Variants in TRPM3 observed in about 807,000 individuals in gnomAD.
The protein encoded by TRPM3 is transient receptor potential cation channel subfamily M member 3.
In TRPM3, 77 loss-of-function variants were observed where a neutral mutation model predicts 181.2. The observed-to-expected ratio is 0.42, with a 90% CI of 0.35 to 0.51. The LOEUF (loss-of-function observed/expected upper bound fraction) is 0.51, where lower values mean the gene tolerates loss of function less well. Among genes scored for constraint, TRPM3 ranks in the 20% least tolerant of loss-of-function variants. TRPM3 has a pLI of 0.01. For synonymous variants in TRPM3, 745 were observed against 796.4 expected (o/e 0.94, Z 1.09); for missense variants, 1,759 against 2,196.7 (o/e 0.80, Z 3.98).
chr9:71,145,110 T>C (rs2075332385), intron 1 of TRPM3, among the ~76,000 whole-genome samples: 1 of 152,164 alleles, frequency 6.6e-6, no homozygotes, highest in Admixed American at 6.6e-5. Flanking sequence ...GTTTTGAATA[T>C]TATTCTTAGA....
chr9:70,943,873 A>T (rs1589963893), intron 1 of TRPM3, among the ~76,000 whole-genome samples: 1 of 152,106 alleles, frequency 6.6e-6, no homozygotes, highest in Non-Finnish European at 1.5e-5. Flanking sequence ...TCCGTCTCCC[A>T]GGTTCAAGCA....
intron 3 of TRPM3, among the ~76,000 whole-genome samples, chr9:70,858,955 G>C (rs2095455705): frequency 6.6e-6 from 1 of 152,114 alleles, no homozygotes; most frequent in Admixed American, 6.5e-5. Context: ...TATGTACCTT[G>C]CAGCATTTCA....
At chr9:71,382,539 A>T (rs1313918725) in intron 1 of TRPM3, among the ~76,000 whole-genome samples, 1 of 152,166 alleles carries the variant, frequency 6.6e-6, no homozygotes, top group Non-Finnish European at 1.5e-5. Context: ...TCACACACAT[A>T]AGGCTATATG....
intron 1 of TRPM3, among the ~76,000 whole-genome samples, chr9:71,040,976 G>A (rs1341056243): frequency 1.3e-5 from 2 of 152,170 alleles, no homozygotes; most frequent in African/African-American, 4.8e-5. Flanking sequence ...GTGACGACTG[G>A]AGGCAACATG....
At chr9:70,963,708 T>C (rs1224364256) in intron 1 of TRPM3, among the ~76,000 whole-genome samples, 1 of 152,126 alleles carries the variant, frequency 6.6e-6, no homozygotes, top group Non-Finnish European at 1.5e-5. Context: ...CAGAAGAGTA[T>C]GTATTCATAC....
At chr9:70,538,583 C>T (rs1009606582) in intron 25 of TRPM3, among the ~76,000 whole-genome samples, 2 of 151,838 alleles carry the variant, frequency 1.3e-5, no homozygotes, top group Admixed American at 1.3e-4. Flanking sequence ...TGGATGCTAC[C>T]ATGCTAGCTG....
intron 1 of TRPM3, among the ~76,000 whole-genome samples, chr9:71,359,437 C>A (rs758421586): frequency 3.3e-5 from 5 of 152,162 alleles, no homozygotes; most frequent in Non-Finnish European, 5.9e-5. Flanking sequence ...TATGTAAATG[C>A]CTCCAGTTGA....
intron 1 of TRPM3, among the ~76,000 whole-genome samples, chr9:70,964,440 T>C (rs2097166596): frequency 6.6e-6 from 1 of 152,106 alleles, no homozygotes; most frequent in Non-Finnish European, 1.5e-5. Context: ...ACAATCTCAG[T>C]ATCATTGCTG....
intron 12 of TRPM3, among the ~76,000 whole-genome samples, chr9:70,628,399 A>G (rs1270045972): frequency 1.3e-5 from 2 of 152,152 alleles, no homozygotes; most frequent in Non-Finnish European, 2.9e-5. Flanking sequence ...AGGGGTTTGC[A>G]CTCCATGGCC....
intron 1 of TRPM3, among the ~76,000 whole-genome samples, chr9:71,291,857 C>G: frequency 6.6e-6 from 1 of 152,034 alleles, no homozygotes; most frequent in East Asian, 1.9e-4. Flanking sequence ...AAACCAGTAA[C>G]AGAAGACTTC....
chr9:70,529,191 A>G lies in TRPM3; in HGVS notation c.*6762T>C, dbSNP rs1159894279. 6.6e-6 allele frequency: 1 copy of G among 152,154 alleles called. No homozygotes were observed. The highest frequency in any genetic ancestry group is 1.5e-5 in the Non-Finnish European group (1 of 68,042). 9.4% of individuals were successfully genotyped at this position (152,154 alleles called of 1,614,324 possible). A position where few individuals can be genotyped will look rare whatever the true frequency, so the allele number is the denominator to read the frequency against. ...ATCTAAACAATCAAACTCAAAGTGC[A>G]TTGTGAATCCAATAATAGACCTTTA... is the stretch of plus-strand genomic sequence containing the variant. On this transcript the variant is annotated 3_prime_UTR_variant, in exon 26 of 26. Coordinates refer to ENST00000677713, the MANE Select transcript of TRPM3 (RefSeq NM_001366145.2).
At chr9:70,898,783 A>AAAAGG (rs2096337129) in intron 1 of TRPM3, among the ~76,000 whole-genome samples, 1 of 151,466 alleles carries the variant, frequency 6.6e-6, no homozygotes, top group African/African-American at 2.4e-5. Flanking sequence ...AAAAGAAAAG[A>AAAAGG]AAAGAAAGAA....
intron 22 of TRPM3, among the ~76,000 whole-genome samples, chr9:70,559,833 T>C (rs890698506): frequency 3.3e-5 from 5 of 151,998 alleles, no homozygotes; most frequent in African/African-American, 1.2e-4. Flanking sequence ...CCAAAAAGGG[T>C]CAGAATAGGA....
chr9:71,107,683 TA>T (rs1384619870), intron 1 of TRPM3, among the ~76,000 whole-genome samples: 1 of 152,194 alleles, frequency 6.6e-6, no homozygotes, highest in African/African-American at 2.4e-5. Flanking sequence ...GCTATACACT[TA>T]AAAACAAAAC....
intron 8 of TRPM3, among the ~76,000 whole-genome samples, chr9:70,681,930 T>C (rs1165554857): frequency 1.3e-5 from 2 of 152,174 alleles, no homozygotes; most frequent in African/African-American, 4.8e-5. Context: ...TAGGTGATGA[T>C]TAATAGTCAT....
intron 1 of TRPM3, among the ~76,000 whole-genome samples, chr9:70,964,742 T>A (rs1215883949): frequency 6.6e-6 from 1 of 152,048 alleles, no homozygotes; most frequent in Non-Finnish European, 1.5e-5. Context: ...AACCACAGGG[T>A]TTCAAATAAA....
chr9:71,099,105 A>G (rs1411537861), intron 1 of TRPM3, among the ~76,000 whole-genome samples: 1 of 152,140 alleles, frequency 6.6e-6, no homozygotes, highest in Non-Finnish European at 1.5e-5. Flanking sequence ...GGTGGCTTAT[A>G]AAAATTTATT....
At chr9:71,063,252 G>C (rs1458471547) in intron 1 of TRPM3, among the ~76,000 whole-genome samples, 1 of 152,082 alleles carries the variant, frequency 6.6e-6, no homozygotes, top group Non-Finnish European at 1.5e-5. Flanking sequence ...TGAGGAGCCT[G>C]GAATGCTGCT....
At chr9:71,193,842 C>T (rs1201444562) in intron 1 of TRPM3, among the ~76,000 whole-genome samples, 1 of 151,880 alleles carries the variant, frequency 6.6e-6, no homozygotes, top group African/African-American at 2.4e-5. Flanking sequence ...ACATCACTTC[C>T]TGTAACTGGA....
Sources: allele counts gnomAD v4.1 joint callset (sites outside exome capture counted in the v4.1 genomes callset), GRCh38; gene constraint gnomAD v4.1.1; transcripts MANE v1.5; gene names NCBI Gene and HGNC (gene_info 2026-07-23, HGNC 2026-07-21).